The following CTNND2 variants were observed in gnomAD, a reference collection of about 807,000 sequenced individuals.
The protein encoded by CTNND2 is catenin delta 2.
In CTNND2, 22 loss-of-function variants were observed where a neutral mutation model predicts 144.4. The observed-to-expected ratio is 0.15, with a 90% CI of 0.11 to 0.22. CTNND2 has a LOEUF of 0.22. Ranked by LOEUF, CTNND2 falls within the 10% of genes least tolerant of loss-of-function variation. The probability of loss-of-function intolerance (pLI) is 1.00; values close to 1 mark genes in which losing one functional copy is unlikely to be tolerated. For missense variants in CTNND2, 1,353 were observed against 1,618.8 expected (o/e 0.84, Z 2.82); for synonymous variants, 751 against 695.6 (o/e 1.08, Z -1.25).
chr5:11,887,274 C>G (rs1736625819), intron 1 of CTNND2, among the ~76,000 whole-genome samples: 1 of 152,130 alleles, frequency 6.6e-6, no homozygotes, highest in Non-Finnish European at 1.5e-5. Context: ...GGAGCCACCA[C>G]ATCCGGCCTA....
intron 2 of CTNND2, among the ~76,000 whole-genome samples, chr5:11,710,295 C>T (rs2126690675): frequency 6.6e-6 from 1 of 152,296 alleles, no homozygotes; most frequent in African/African-American, 2.4e-5. Flanking sequence ...ATAATCCCAG[C>T]ACTTTGGGAG....
At chr5:11,767,797 G>C (rs1304609005) in intron 1 of CTNND2, among the ~76,000 whole-genome samples, 2 of 152,134 alleles carry the variant, frequency 1.3e-5, no homozygotes, top group Non-Finnish European at 2.9e-5. Flanking sequence ...AGGAGCACTG[G>C]GAGGTCTGTT....
chr5:11,299,683 T>C lies in CTNND2; in HGVS notation c.1628+46689A>G, dbSNP rs188198016. Among the ~76,000 whole-genome samples the C allele has an allele frequency of 2.5e-4, 38 of 152,310 alleles. 1 individual carries two copies. The highest frequency in any genetic ancestry group is 7.7e-4 in the African/African-American group (32 of 41,574). On this transcript the variant is annotated intron_variant, in intron 9 of 21. Transcript: ENST00000304623. ...GTTATTCCTCCCCTCCGTGAAACTT[T>C]CCTGCCAAGGTGTGTCTGATTTTTG...
chr5:11,870,945 A>T (rs1023896810), intron 1 of CTNND2, among the ~76,000 whole-genome samples: 5 of 152,218 alleles, frequency 3.3e-5, no homozygotes, highest in Admixed American at 2.6e-4. Flanking sequence ...CCAAAAATTC[A>T]AATGTTGAAA....
At chr5:11,258,143 G>A (rs1170196757) in intron 9 of CTNND2, among the ~76,000 whole-genome samples, 1 of 152,152 alleles carries the variant, frequency 6.6e-6, no homozygotes, top group Non-Finnish European at 1.5e-5. Flanking sequence ...TAGGCTGAAT[G>A]GATTTCTTCT....
Position 11,732,193 on chromosome 5 carries a change from G to A in CTNND2, c.117C>T (p.Asn39=), listed in dbSNP as rs779081326. 61 of 1,613,860 alleles carry A rather than the reference G, an allele frequency of 3.8e-5. No homozygotes were observed. The highest frequency in any genetic ancestry group is 3.5e-4 in the South Asian group (32 of 91,084). Residue 39 remains asparagine (N), a synonymous_variant, in exon 2 of 22, where the codon AAC becomes AAT. Transcript: ENST00000304623. ...TGGTTTCTGTTTCAGAGCCATCCCC[G>A]TTGGAGGTGTTTAAGCCGGGGCTCA... is the stretch of plus-strand genomic sequence containing the variant. The part of the protein sequence containing the change: ...SSLSPGLNTS[N]GDGSETETTS...
intron 1 of CTNND2, among the ~76,000 whole-genome samples, chr5:11,877,227 C>G (rs947559215): frequency 6.6e-6 from 1 of 152,036 alleles, no homozygotes; most frequent in Non-Finnish European, 1.5e-5. Flanking sequence ...TTTGTAATAA[C>G]TGATTTTCAT....
At chr5:11,110,668 G>A (rs1030379146) in intron 14 of CTNND2, among the ~76,000 whole-genome samples, 190 bp downstream of exon 14, 2 of 152,032 alleles carry the variant, frequency 1.3e-5, no homozygotes, top group East Asian at 1.9e-4. Context: ...GCTCAACTGC[G>A]AGACGTGAGG....
chr5:11,904,109 C>G lies in CTNND2; in HGVS notation c.-256G>C. On this transcript the variant is annotated 5_prime_UTR_variant, in exon 1 of 22. Transcript: ENST00000304623. This position sits in a 1 kb window ranked among gnomAD's most constrained non-coding sequence, Gnocchi z 4.2. Reference sequence around the variant, plus strand: ...CGAGCGCAGCGCCCCCTGCCCGGCTCCGCGGGCTCCACGGGCTCCTGCGGG... The same window carrying G: ...CGAGCGCAGCGCCCCCTGCCCGGCTGCGCGGGCTCCACGGGCTCCTGCGGG... 6.2e-6 allele frequency: 1 copy of G among 160,108 alleles called. No individual in the cohort carries two copies. Among genetic ancestry groups the G allele is most frequent in the Non-Finnish European group, 1.3e-5 (1 of 76,392 alleles). The allele number at this position is 160,108 out of a possible 1,614,324, so 9.9% of individuals were successfully genotyped here.
chr5:11,383,728 T>C (rs1758761033), intron 7 of CTNND2, among the ~76,000 whole-genome samples: 1 of 152,244 alleles, frequency 6.6e-6, no homozygotes, highest in Non-Finnish European at 1.5e-5. Flanking sequence ...GAGCACAGCA[T>C]CTGTTACTAG....
At chr5:11,467,284 G>C (rs1003077684) in intron 3 of CTNND2, among the ~76,000 whole-genome samples, 1 of 152,226 alleles carries the variant, frequency 6.6e-6, no homozygotes, top group African/African-American at 2.4e-5. Flanking sequence ...CTATGTGCTT[G>C]CTTCATCTCT....
chr5:11,084,044 C>A (rs1032711581), intron 15 of CTNND2: 3 of 743,512 alleles, frequency 4.0e-6, no homozygotes, highest in Non-Finnish European at 5.0e-6. Flanking sequence ...CATCAACCCA[C>A]ACTGTATGCT....
chr5:11,414,034 C>T (rs1000449915), intron 3 of CTNND2, among the ~76,000 whole-genome samples: 7 of 152,136 alleles, frequency 4.6e-5, no homozygotes, highest in African/African-American at 1.4e-4. Flanking sequence ...CATCCTGGAT[C>T]ATCCAGGTGG....
At position 11,450,123 on chromosome 5, in the gene CTNND2, A is replaced by G. The variant is rs61760344; in HGVS notation, c.288-38054T>C. On this transcript the variant is annotated intron_variant, in intron 3 of 21. Transcript: ENST00000304623. ...TCACCTTTCTCAGATCTTGGCTTCA[A>G]TGGCTCTCAACTTATGTATCATTCG... 4.6e-5 allele frequency among the ~76,000 whole-genome samples: 7 copies of G among 152,320 alleles called. No individual in the cohort carries two copies. The East Asian group carries it at 9.6e-4, about 21-fold the overall frequency.
intron 16 of CTNND2, among the ~76,000 whole-genome samples, chr5:11,043,569 C>A (rs78524905): frequency 0.036 from 5,457 of 152,056 alleles, 157 homozygotes; most frequent in Non-Finnish European, 0.058. Context: ...TAAAAAGAGA[C>A]CAAGTAGATA....
chr5:11,142,847 C>T (rs928624923), intron 12 of CTNND2, among the ~76,000 whole-genome samples: 20 of 152,046 alleles, frequency 1.3e-4, no homozygotes, highest in African/African-American at 2.2e-4. Context: ...CTCCTGACCT[C>T]GTGATCCGCC....
At chr5:11,526,510 A>C (rs1281672242) in intron 3 of CTNND2, among the ~76,000 whole-genome samples, 1 of 152,212 alleles carries the variant, frequency 6.6e-6, no homozygotes, top group African/African-American at 2.4e-5. Flanking sequence ...GTGCTGGCCC[A>C]GCTGGCTGAG....
intron 9 of CTNND2, among the ~76,000 whole-genome samples, chr5:11,285,964 C>A (rs962427006): frequency 6.6e-6 from 1 of 152,026 alleles, no homozygotes; most frequent in Non-Finnish European, 1.5e-5. Context: ...AATAATGATG[C>A]CACAGCATAA....
At chr5:11,117,050 C>G (rs980247746) in intron 13 of CTNND2, among the ~76,000 whole-genome samples, 14 of 150,000 alleles carry the variant, frequency 9.3e-5, no homozygotes, top group Non-Finnish European at 4.4e-5. Flanking sequence ...GCCTGGGTGA[C>G]AGAGCGAGAC....
Sources: allele counts gnomAD v4.1 joint callset (sites outside exome capture counted in the v4.1 genomes callset), GRCh38; gene constraint gnomAD v4.1.1; non-coding constraint Gnocchi (gnomAD v3.1); transcripts MANE v1.5; gene names NCBI Gene and HGNC (gene_info 2026-07-23, HGNC 2026-07-21).